Variants in SPICE1 observed in about 807,000 individuals in gnomAD.
SPICE1 encodes spindle and centriole-associated protein 1.
SPICE1 carries 75 observed loss-of-function variants against 102.7 expected under a neutral mutation model. The observed-to-expected ratio is 0.73, with a 90% CI of 0.61 to 0.88. The LOEUF is 0.88. SPICE1 is among the 40% of genes least tolerant of loss of function. The pLI, the probability that SPICE1 is intolerant of heterozygous loss-of-function variation, is 0.00. For missense variants in SPICE1, 979 were observed against 1,020.1 expected (o/e 0.96, Z 0.55); for synonymous variants, 308 against 350.3 (o/e 0.88, Z 1.35).
chr3:113,454,224 A>G (rs967008033), intron 13 of SPICE1, among the ~76,000 whole-genome samples: 1 of 152,200 alleles, frequency 6.6e-6, no homozygotes, highest in Non-Finnish European at 1.5e-5. Context: ...ATTAACTCAC[A>G]TCTGGGAATC....
At position 113,468,279 on chromosome 3, in the gene SPICE1, G is replaced by GT; in HGVS notation, c.1014dup (p.His339ThrfsTer2). 1 of 1,614,102 alleles carries GT rather than the reference G, an allele frequency of 6.2e-7. No individual in the cohort carries two copies. Among genetic ancestry groups the GT allele is most frequent in the African/African-American group, 1.3e-5 (1 of 75,024 alleles). ...TCTTCCATTTCATGTTCCACTTCAT[G>GT]TATCATGTGTTTGAGGACATCCAGG... On this transcript the variant is annotated frameshift_variant, in exon 10 of 18. Coordinates refer to ENST00000295872, the MANE Select transcript of SPICE1 (RefSeq NM_144718.4). LOFTEE classifies it high-confidence loss of function.
chr3:113,481,886 T>C (rs1936516179), intron 7 of SPICE1, among the ~76,000 whole-genome samples: 1 of 152,214 alleles, frequency 6.6e-6, no homozygotes, highest in Non-Finnish European at 1.5e-5. Flanking sequence ...TATGTGTCCA[T>C]GTGTCTGTAT....
At chr3:113,458,877 G>A (rs1005584980) in intron 12 of SPICE1, among the ~76,000 whole-genome samples, 1 of 152,158 alleles carries the variant, frequency 6.6e-6, no homozygotes, top group Non-Finnish European at 1.5e-5. Flanking sequence ...TCTGGGAAGT[G>A]AGGAGCCCCT....
chr3:113,495,342 C>T (rs1337772526), intron 4 of SPICE1, among the ~76,000 whole-genome samples: 1 of 152,214 alleles, frequency 6.6e-6, no homozygotes, highest in African/African-American at 2.4e-5. Flanking sequence ...AATACATACA[C>T]AATGTGACCT....
chr3:113,489,864 A>C (rs1246042369), intron 6 of SPICE1, among the ~76,000 whole-genome samples: 2 of 150,404 alleles, frequency 1.3e-5, no homozygotes, highest in South Asian at 2.1e-4. Context: ...AAAAAAAAAA[A>C]AAAAACGCTA....
chr3:113,506,947 T>C (rs1156870760), intron 1 of SPICE1, among the ~76,000 whole-genome samples: 1 of 152,122 alleles, frequency 6.6e-6, no homozygotes, highest in African/African-American at 2.4e-5. Context: ...TAGTAGAAAA[T>C]AGCCCAGTCA....
intron 14 of SPICE1, 61 bp downstream of exon 14, chr3:113,453,405 C>A: frequency 1.3e-6 from 2 of 1,519,258 alleles, no homozygotes; most frequent in South Asian, 2.7e-5. Context: ...TTAAGTTGCC[C>A]AAGCTAAAGT....
At chr3:113,502,149 G>A (rs1937020024) in intron 3 of SPICE1, among the ~76,000 whole-genome samples, 1 of 152,126 alleles carries the variant, frequency 6.6e-6, no homozygotes, top group South Asian at 2.1e-4. Context: ...GCTGAGGTGG[G>A]CAGATTCCTT....
chr3:113,457,647 G>T (rs150390831), intron 12 of SPICE1, among the ~76,000 whole-genome samples: 131 of 152,190 alleles, frequency 8.6e-4, no homozygotes, highest in African/African-American at 2.9e-3. Context: ...TGGCATTCCA[G>T]AGTTTGTCTT....
intron 7 of SPICE1, among the ~76,000 whole-genome samples, chr3:113,470,364 A>C (rs142633390): frequency 6.6e-6 from 1 of 152,326 alleles, no homozygotes; most frequent in Non-Finnish European, 1.5e-5. Flanking sequence ...GAAGAGATAA[A>C]GCATGTGATT....
intron 1 of SPICE1, among the ~76,000 whole-genome samples, chr3:113,513,361 C>T (rs965450746): frequency 2.0e-5 from 3 of 152,114 alleles, no homozygotes; most frequent in Admixed American, 6.5e-5. Flanking sequence ...CAGTGAGCTA[C>T]GATGGCGCCC....
Position 113,453,688 on chromosome 3 carries a change from G to A in SPICE1, c.1920C>T (p.Ser640=). Residue 640 remains serine (S), a synonymous_variant, in exon 14 of 18, where the codon AGC becomes AGT. Coordinates refer to ENST00000295872, the MANE Select transcript of SPICE1 (RefSeq NM_144718.4). ...CTGGGAGCTCTTCTGAGAATGTGGG[G>A]CTTCTTGACTGTTGAGTGTTGGAAT... ...NSHSNTQQSR[S]PTFSEELPVL... The A allele has an allele frequency of 6.2e-7, 1 of 1,614,130 alleles. No homozygotes were observed.
intron 7 of SPICE1, among the ~76,000 whole-genome samples, chr3:113,484,144 A>G (rs182328547): frequency 6.6e-6 from 1 of 152,180 alleles, no homozygotes; most frequent in East Asian, 1.9e-4. Flanking sequence ...TTTCTTCTAG[A>G]TTTTATCCAT....
At position 113,448,122 on chromosome 3, in the gene SPICE1, A is replaced by G. The variant is rs996584571; in HGVS notation, c.2342T>C (p.Ile781Thr). ...RAWTEGAKRTIEVSIPGAEAP... is the reference protein window; with the variant it reads ...RAWTEGAKRTTEVSIPGAEAP... The stretch of plus-strand genomic sequence containing the variant: ...TTCTGCTCCTGGAATAGATACCTCA[A>G]TTGTCCTCTTTGCTCCTTCTAAAAT... Residue 781 changes from isoleucine (I) to threonine (T), a missense_variant, in exon 16 of 18, where the codon ATT becomes ACT. By Grantham distance (89) the Ile-to-Thr change is moderately conservative. Coordinates refer to ENST00000295872, the MANE Select transcript of SPICE1 (RefSeq NM_144718.4). 2.5e-6 allele frequency: 4 copies of G among 1,610,144 alleles called. No individual in the cohort carries two copies. Among genetic ancestry groups the G allele is most frequent in the South Asian group, 1.1e-5 (1 of 90,180 alleles).
intron 4 of SPICE1, among the ~76,000 whole-genome samples, chr3:113,494,506 G>A (rs977681915): frequency 2.6e-5 from 4 of 151,998 alleles, no homozygotes; most frequent in Admixed American, 2.0e-4. Context: ...AATTAGCCGG[G>A]CGTGGTAGCG....
At chr3:113,502,499 G>A (rs900431773) in intron 3 of SPICE1, among the ~76,000 whole-genome samples, 10 of 152,090 alleles carry the variant, frequency 6.6e-5, no homozygotes, top group African/African-American at 1.7e-4. Context: ...TGGGCACAAG[G>A]AGTGACTGTT....
At chr3:113,474,782 C>T (rs1169091625) in intron 7 of SPICE1, among the ~76,000 whole-genome samples, 1 of 151,984 alleles carries the variant, frequency 6.6e-6, no homozygotes, top group African/African-American at 2.4e-5. Flanking sequence ...GGGACACACT[C>T]AAAGCAGTGT....
chr3:113,460,719 A>G lies in SPICE1; in HGVS notation c.1333T>C (p.Ser445Pro), dbSNP rs776504270. ...CAGTTCTTAATAGCATGTGTGAGTG[A>G]TATCAGTTGCTCATCTGTTGTGACC... ...YMVTTDEQLI[S>P]LTHAIKNCPV... Residue 445 changes from serine (S) to proline (P), a missense_variant, in exon 12 of 18, where the codon TCA becomes CCA. Transcript: ENST00000295872. The G allele has an allele frequency of 1.2e-6, 2 of 1,613,294 alleles. No homozygotes were observed. The highest frequency in any genetic ancestry group is 1.1e-5 in the South Asian group (1 of 90,858).
chr3:113,499,355 C>G lies in SPICE1; in HGVS notation c.291+84G>C, dbSNP rs538169548. ...GAATGCAGTGATTACTAGAGTCTCTCCAACGTGAATCAAATTGAAGAAAAA... is the reference window on the plus strand; with the variant it reads ...GAATGCAGTGATTACTAGAGTCTCTGCAACGTGAATCAAATTGAAGAAAAA... On this transcript the variant is annotated intron_variant, in intron 4 of 17. Coordinates refer to ENST00000295872, the MANE Select transcript of SPICE1 (RefSeq NM_144718.4). 2.5e-4 allele frequency: 349 copies of G among 1,418,672 alleles called. 3 individuals are homozygous for G. In the South Asian group the frequency reaches 3.5e-3, roughly 14 times the overall value. The allele number at this position is 1,418,672 out of a possible 1,614,324, so 87.9% of individuals were successfully genotyped here.
Sources: gnomAD v4.1 joint callset for allele counts (sites outside exome capture counted in the v4.1 genomes callset) on GRCh38, gnomAD v4.1.1 for gene constraint, MANE v1.5 for transcripts, NCBI Gene and HGNC (gene_info 2026-07-23, HGNC 2026-07-21) for gene names.